OSBPL1A: variants seen among roughly 807,000 people sequenced by gnomAD.
OSBPL1A encodes oxysterol-binding protein-related protein 1.
A neutral mutation model predicts 137.1 loss-of-function variants in OSBPL1A; 80 were observed. That is an observed-to-expected ratio of 0.58 (90% confidence interval 0.49 to 0.70). OSBPL1A has a LOEUF of 0.70. OSBPL1A is among the 30% of genes least tolerant of loss of function. The pLI is 0.00. For synonymous variants in OSBPL1A, 365 were observed against 389.7 expected (o/e 0.94, Z 0.75); for missense variants, 970 against 1,129.4 (o/e 0.86, Z 2.02).
At chr18:24,313,253 G>A (rs866626305) in intron 12 of OSBPL1A, among the ~76,000 whole-genome samples, 14 of 150,350 alleles carry the variant, frequency 9.3e-5, no homozygotes, top group South Asian at 6.4e-4. Context: ...CCAGCCTGAC[G>A]AACGTGGTGA....
intron 18 of OSBPL1A, among the ~76,000 whole-genome samples, chr18:24,186,104 A>G (rs1599456458): frequency 6.6e-6 from 1 of 152,334 alleles, no homozygotes; most frequent in African/African-American, 2.4e-5. Flanking sequence ...ATGAATTTTG[A>G]TGAATCATAC....
intron 4 of OSBPL1A, 93 bp downstream of exon 4, chr18:24,366,799 G>T: frequency 1.6e-6 from 2 of 1,251,494 alleles, no homozygotes; most frequent in South Asian, 1.5e-5. Context: ...GGCTTTCTTC[G>T]GTTGCTGGTC....
At chr18:24,207,122 C>T (rs2087395990) in intron 17 of OSBPL1A, among the ~76,000 whole-genome samples, 1 of 152,220 alleles carries the variant, frequency 6.6e-6, no homozygotes, top group Non-Finnish European at 1.5e-5. Flanking sequence ...CTTGCTCTGT[C>T]ACCCAGGCTG....
chr18:24,261,777 G>A (rs764937213), intron 15 of OSBPL1A, among the ~76,000 whole-genome samples: 8 of 152,154 alleles, frequency 5.3e-5, no homozygotes, highest in Non-Finnish European at 1.2e-4. Flanking sequence ...AGGCTGCAGT[G>A]AGCTGAGACC....
At chr18:24,254,292 C>T (rs1252564166) in intron 15 of OSBPL1A, among the ~76,000 whole-genome samples, 10 of 152,168 alleles carry the variant, frequency 6.6e-5, no homozygotes, top group Admixed American at 5.9e-4. Context: ...ACAGATCCCC[C>T]AGACAGAAAA....
At chr18:24,232,484 G>A (rs2088312070) in intron 16 of OSBPL1A, among the ~76,000 whole-genome samples, 2 of 152,258 alleles carry the variant, frequency 1.3e-5, no homozygotes, top group Middle Eastern at 3.4e-3. Flanking sequence ...ATCTACTACT[G>A]TTTTCTACAA....
At chr18:24,393,218 CAT>C (rs1177416121) in intron 1 of OSBPL1A, among the ~76,000 whole-genome samples, 1 of 152,232 alleles carries the variant, frequency 6.6e-6, no homozygotes, top group African/African-American at 2.4e-5. Context: ...CATAGATACA[CAT>C]ATTATGTATA....
intron 7 of OSBPL1A, among the ~76,000 whole-genome samples, chr18:24,326,325 C>A (rs1335281986): frequency 6.6e-6 from 1 of 152,162 alleles, no homozygotes; most frequent in East Asian, 1.9e-4. Flanking sequence ...GAGGTGTCTG[C>A]CAGTCCTCAT....
chr18:24,317,462 T>C (rs779256555), intron 9 of OSBPL1A, 62 bp from the exon 10 acceptor site: 19 of 1,270,760 alleles, frequency 1.5e-5, no homozygotes, highest in Non-Finnish European at 1.8e-5. Flanking sequence ...GCTTGACTGA[T>C]AAAAAGTAAT....
chr18:24,197,491 T>C (rs2087069328), intron 17 of OSBPL1A, among the ~76,000 whole-genome samples: 1 of 152,250 alleles, frequency 6.6e-6, no homozygotes, highest in Non-Finnish European at 1.5e-5. Context: ...TAGAAGTTAA[T>C]ACAATTTACA....
intron 15 of OSBPL1A, among the ~76,000 whole-genome samples, chr18:24,263,601 G>A (rs2089495082): frequency 6.6e-6 from 1 of 152,034 alleles, no homozygotes; most frequent in African/African-American, 2.4e-5. Flanking sequence ...ATATATTCTT[G>A]ACACAAAACC....
intron 17 of OSBPL1A, among the ~76,000 whole-genome samples, chr18:24,220,426 C>T (rs1240230697): frequency 6.6e-6 from 1 of 152,166 alleles, no homozygotes; most frequent in Admixed American, 6.5e-5. Context: ...TTTATTGCAA[C>T]CCTCTACTTT....
chr18:24,324,455 TAAAAAAAAAA>T (rs145135815), intron 7 of OSBPL1A, among the ~76,000 whole-genome samples: 4 of 12,976 alleles, frequency 3.1e-4, no homozygotes, highest in Admixed American at 2.8e-3. Flanking sequence ...CTGAAAAAGT[TAAAAAAAAAA>T]AAAAAAAAAA....
chr18:24,287,866 C>T (rs1357592407), intron 14 of OSBPL1A, among the ~76,000 whole-genome samples: 6 of 152,132 alleles, frequency 3.9e-5, no homozygotes, highest in Non-Finnish European at 7.4e-5. Context: ...AGTCTCATAG[C>T]CACACTGTCT....
chr18:24,256,272 T>C (rs1210262436), intron 15 of OSBPL1A, among the ~76,000 whole-genome samples: 1 of 152,120 alleles, frequency 6.6e-6, no homozygotes, highest in Non-Finnish European at 1.5e-5. Flanking sequence ...GTTAAAAAGA[T>C]CATTCATCAT....
intron 18 of OSBPL1A, among the ~76,000 whole-genome samples, chr18:24,183,007 TACA>T (rs1457907742): frequency 6.6e-6 from 1 of 152,060 alleles, no homozygotes; most frequent in Admixed American, 6.5e-5. Context: ...TAGCTGGGAT[TACA>T]GATGTGCACC....
intron 15 of OSBPL1A, among the ~76,000 whole-genome samples, chr18:24,273,693 GC>G (rs2089775684): frequency 6.6e-6 from 1 of 152,140 alleles, no homozygotes; most frequent in Non-Finnish European, 1.5e-5. Flanking sequence ...AGATACAGTT[GC>G]TTCCTTAGGA....
At chr18:24,289,305 A>G (rs962961658) in intron 14 of OSBPL1A, among the ~76,000 whole-genome samples, 4 of 152,028 alleles carry the variant, frequency 2.6e-5, no homozygotes, top group African/African-American at 9.7e-5. Context: ...TACATTGTAG[A>G]TCTGGTTATA....
At chr18:24,365,219 CA>C (rs1338653722) in intron 4 of OSBPL1A, among the ~76,000 whole-genome samples, 1 of 152,122 alleles carries the variant, frequency 6.6e-6, no homozygotes, top group Non-Finnish European at 1.5e-5. Flanking sequence ...CATGCTACAG[CA>C]TGGATGAACC....
Sources: allele counts gnomAD v4.1 joint callset (sites outside exome capture counted in the v4.1 genomes callset), GRCh38; gene constraint gnomAD v4.1.1; transcripts MANE v1.5; gene names NCBI Gene and HGNC (gene_info 2026-07-23, HGNC 2026-07-21).